RBM47: variants seen among roughly 807,000 people sequenced by gnomAD.
RBM47 encodes RNA-binding protein 47.
A neutral mutation model predicts 47.1 loss-of-function variants in RBM47; 21 were observed. The observed-to-expected ratio is 0.45, with a 90% CI of 0.32 to 0.64. The LOEUF (loss-of-function observed/expected upper bound fraction) is 0.64, where lower values mean the gene tolerates loss of function less well. RBM47 is among the 30% of genes least tolerant of loss of function. The probability of loss-of-function intolerance (pLI) is 0.05; values close to 1 mark genes in which losing one functional copy is unlikely to be tolerated. For synonymous variants in RBM47, 375 were observed against 361.7 expected (o/e 1.04, Z -0.42); for missense variants, 708 against 870.9 (o/e 0.81, Z 2.35).
intron 2 of RBM47, among the ~76,000 whole-genome samples, chr4:40,469,677 GAAAC>G (rs1448999571): frequency 6.6e-6 from 1 of 150,502 alleles, no homozygotes; most frequent in Non-Finnish European, 1.5e-5. Context: ...GATTTTTCTG[GAAAC>G]AAACATTGAC....
At chr4:40,437,740 G>A in intron 4 of RBM47, 31 bp downstream of exon 4, 1 of 1,567,518 alleles carries the variant, frequency 6.4e-7, no homozygotes, top group Non-Finnish European at 8.7e-7. Context: ...CGTTCTTGGG[G>A]GCCCCACCCA....
chr4:40,567,638 G>C (rs1320286058), intron 1 of RBM47, among the ~76,000 whole-genome samples: 1 of 151,968 alleles, frequency 6.6e-6, no homozygotes, highest in Non-Finnish European at 1.5e-5. Flanking sequence ...ATGGTTTATA[G>C]CACAACATAC....
chr4:40,594,733 G>A (rs992943543), intron 1 of RBM47, among the ~76,000 whole-genome samples: 1 of 151,998 alleles, frequency 6.6e-6, no homozygotes, highest in Non-Finnish European at 1.5e-5. Context: ...TGTTTCTCCC[G>A]GCCACCTCCT....
chr4:40,528,799 T>A (rs992675487), intron 2 of RBM47, among the ~76,000 whole-genome samples: 2 of 149,780 alleles, frequency 1.3e-5, no homozygotes, highest in African/African-American at 5.0e-5. Flanking sequence ...AAAAATTAGC[T>A]GGGCATGGTG....
In RBM47 at chr4:40,436,369, T is replaced by C. The variant is rs1039966418; in HGVS notation, c.1330+72A>G. 10 of 1,459,832 alleles carry C rather than the reference T, an allele frequency of 6.9e-6. No individual in the cohort carries two copies. In the African/African-American group the frequency reaches 1.4e-4, roughly 20 times the overall value. The allele number at this position is 1,459,832 out of a possible 1,614,324, so 90.4% of individuals were successfully genotyped here. ...GCAGATGTGAGAGCCTGAAAAACGC[T>C]TGGATTCACTTCAAACAGAAGGGCT... On this transcript the variant is annotated intron_variant, in intron 5 of 6. Coordinates refer to ENST00000295971, the MANE Select transcript of RBM47 (RefSeq NM_001098634.2).
intron 1 of RBM47, among the ~76,000 whole-genome samples, chr4:40,580,313 T>C (rs189564791): frequency 2.4e-4 from 37 of 152,270 alleles, no homozygotes; most frequent in African/African-American, 8.7e-4. Flanking sequence ...TTCTAGTACC[T>C]TCTCTTTGTT....
intron 1 of RBM47, among the ~76,000 whole-genome samples, chr4:40,611,595 G>T (rs1736267437): frequency 6.6e-6 from 1 of 152,098 alleles, no homozygotes; most frequent in Non-Finnish European, 1.5e-5. Flanking sequence ...TGGGTATCGT[G>T]GCGCATGCCT....
chr4:40,436,288 G>C (rs541331460), intron 5 of RBM47, among the ~76,000 whole-genome samples, 153 bp downstream of exon 5: 1 of 152,266 alleles, frequency 6.6e-6, no homozygotes, highest in South Asian at 2.1e-4. Context: ...GGAGGTCCAG[G>C]GGGTCACTTT....
chr4:40,486,444 A>C (rs2154244058), intron 2 of RBM47, among the ~76,000 whole-genome samples: 1 of 152,354 alleles, frequency 6.6e-6, no homozygotes, highest in South Asian at 2.1e-4. Context: ...ATTCAAATCA[A>C]ACTTTGTCTG....
At chr4:40,468,732 G>A (rs1246158078) in intron 2 of RBM47, among the ~76,000 whole-genome samples, 2 of 151,902 alleles carry the variant, frequency 1.3e-5, no homozygotes, top group Non-Finnish European at 2.9e-5. Context: ...ATGATCTCCT[G>A]AAAGAAAAAA....
At chr4:40,473,349 T>C (rs1577723991) in intron 2 of RBM47, among the ~76,000 whole-genome samples, 1 of 152,232 alleles carries the variant, frequency 6.6e-6, no homozygotes, top group African/African-American at 2.4e-5. Flanking sequence ...AGGCCTTCTA[T>C]GGAAGAATCC....
At chr4:40,592,797 A>T (rs535955407) in intron 1 of RBM47, among the ~76,000 whole-genome samples, 2 of 150,564 alleles carry the variant, frequency 1.3e-5, no homozygotes, top group African/African-American at 4.9e-5. Context: ...GAGCTCAGGC[A>T]ATCTGCCTGC....
At chr4:40,437,057 T>C (rs1272740841) in intron 4 of RBM47, among the ~76,000 whole-genome samples, 1 of 94,430 alleles carries the variant, frequency 1.1e-5, no homozygotes, top group Non-Finnish European at 1.9e-5. Context: ...CTGGGGAGCA[T>C]GGTGAGACCC....
intron 6 of RBM47, chr4:40,427,472 A>G (rs1273885958): frequency 6.6e-6 from 1 of 152,246 alleles, no homozygotes; most frequent in Non-Finnish European, 1.5e-5. Flanking sequence ...AGGAGTATGA[A>G]TGGGAAGACT....
chr4:40,581,056 G>A (rs1362612848), intron 1 of RBM47, among the ~76,000 whole-genome samples: 1 of 152,178 alleles, frequency 6.6e-6, no homozygotes, highest in African/African-American at 2.4e-5. Context: ...GAGCACAGAG[G>A]TTGGGAGGTG....
chr4:40,443,479 A>C (rs532346918), intron 3 of RBM47, among the ~76,000 whole-genome samples: 11 of 152,040 alleles, frequency 7.2e-5, no homozygotes, highest in African/African-American at 2.7e-4. Flanking sequence ...GCACTTTGGG[A>C]GGCTAAGGTG....
chr4:40,585,662 G>A (rs186043639), intron 1 of RBM47, among the ~76,000 whole-genome samples: 7 of 152,218 alleles, frequency 4.6e-5, no homozygotes, highest in African/African-American at 9.6e-5. Flanking sequence ...AAACCAAAGC[G>A]AACCCAAGCA....
chr4:40,470,425 A>G (rs530569940), intron 2 of RBM47, among the ~76,000 whole-genome samples: 153 of 152,286 alleles, frequency 1.0e-3, no homozygotes, highest in Non-Finnish European at 1.8e-3. Flanking sequence ...GGGGGACTTG[A>G]GGGCAAGCAT....
intron 1 of RBM47, among the ~76,000 whole-genome samples, chr4:40,616,876 T>TTTC (rs1553909770): frequency 5.0e-5 from 7 of 140,590 alleles, no homozygotes; most frequent in Admixed American, 7.1e-5. Flanking sequence ...TTTCTTTTCT[T>TTTC]TTTTTTTTTT....
Sources: allele counts gnomAD v4.1 joint callset (sites outside exome capture counted in the v4.1 genomes callset), GRCh38; gene constraint gnomAD v4.1.1; transcripts MANE v1.5; gene names NCBI Gene and HGNC (gene_info 2026-07-23, HGNC 2026-07-21).